The following PNPLA6 variants were observed in gnomAD, a reference collection of about 807,000 sequenced individuals.
PNPLA6 encodes the protein patatin-like phospholipase domain-containing protein 6.
PNPLA6 carries 105 observed loss-of-function variants against 153.7 expected under a neutral mutation model. That is an observed-to-expected ratio of 0.68 (90% CI 0.58 to 0.80). The LOEUF (loss-of-function observed/expected upper bound fraction) is 0.80, where lower values mean the gene tolerates loss of function less well. PNPLA6 is among the 30% of genes least tolerant of loss of function. The pLI is 0.00. For missense variants in PNPLA6, 1,423 were observed against 1,919.3 expected, an observed-to-expected ratio of 0.74 and a Z score of 4.83; for synonymous variants, 825 against 822.2, an observed-to-expected ratio of 1.00 and a Z score of -0.06.
chr19:7,539,361 C>T (rs1884028166), intron 3 of PNPLA6, among the ~76,000 whole-genome samples: 1 of 151,880 alleles, frequency 6.6e-6, no homozygotes, highest in African/African-American at 2.4e-5. Flanking sequence ...CACCTGTAGT[C>T]CCAGCTACTT....
chr19:7,560,727 G>A lies in PNPLA6; in HGVS notation c.3779G>A (p.Arg1260Gln), dbSNP rs758242525. Residue 1260 changes from arginine (R) to glutamine (Q), a missense_variant, in exon 29 of 32, where the codon CGG (arginine) becomes CAG (glutamine). By Grantham distance (43) the Arg-to-Gln change is conservative. Coordinates refer to ENST00000600737, the MANE Select transcript of PNPLA6 (RefSeq NM_001166114.2). The stretch of plus-strand genomic sequence containing the variant: ...GTCATTGAGAAAATGCTCACAGACC[G>A]GCGGTCTACAGACCTTAATGAGAGC... ...GNVIEKMLTD[R>Q]RSTDLNESRR... 1.7e-5 allele frequency: 27 copies of A among 1,613,490 alleles called. No individual in the cohort carries two copies. The highest frequency in any genetic ancestry group is 1.6e-4 in the Middle Eastern group (1 of 6,084).
intron 13 of PNPLA6, among the ~76,000 whole-genome samples, chr19:7,548,751 A>G (rs2023499178): frequency 7.1e-6 from 1 of 140,938 alleles, no homozygotes; most frequent in Admixed American, 7.2e-5. Flanking sequence ...ATATATATAT[A>G]GAGAGAGAGA....
Position 7,535,981 on chromosome 19 carries a change from G to A in PNPLA6, c.193G>A (p.Val65Met), listed in dbSNP as rs1250896472. 2 of 1,581,198 alleles carry A rather than the reference G, an allele frequency of 1.3e-6. No homozygotes were observed. Among genetic ancestry groups the A allele is most frequent in the Non-Finnish European group, 8.6e-7 (1 of 1,165,610 alleles). Residue 65 changes from valine (V) to methionine (M), a missense_variant, in exon 1 of 32, where the codon GTG becomes ATG. By Grantham distance (21) the Val-to-Met change is conservative (BLOSUM62 1). Transcript: ENST00000600737. This position sits in a 1 kb window ranked among gnomAD's most constrained non-coding sequence, Gnocchi z 5.0. ...GAGVAVVVTA[V>M]LILLVVRRLR... ...CGGAGTGGCGGTGGTGGTCACGGCCGTGCTCATCCTCCTGGTGGTGCGGAG... is the reference window on the plus strand; with the variant it reads ...CGGAGTGGCGGTGGTGGTCACGGCCATGCTCATCCTCCTGGTGGTGCGGAG...
chr19:7,544,855 G>T (rs1049827168), intron 13 of PNPLA6, among the ~76,000 whole-genome samples: 6 of 152,238 alleles, frequency 3.9e-5, no homozygotes, highest in African/African-American at 9.6e-5. Context: ...AGGAAGTAAG[G>T]TTACCCTGTG....
intron 13 of PNPLA6, among the ~76,000 whole-genome samples, chr19:7,549,171 C>T (rs2023527551): frequency 6.8e-6 from 1 of 148,084 alleles, no homozygotes; most frequent in South Asian, 2.1e-4. Context: ...TTTATTCTCT[C>T]CTTCATGTTT....
Position 7,540,793 on chromosome 19 carries a change from C to T in PNPLA6, c.795+83C>T. 2 of 1,547,496 alleles carry T rather than the reference C, an allele frequency of 1.3e-6. No individual in the cohort carries two copies. The highest frequency in any genetic ancestry group is 1.8e-6 in the Non-Finnish European group (2 of 1,119,504). On this transcript the variant is annotated intron_variant, in intron 6 of 31. Coordinates refer to ENST00000600737, the MANE Select transcript of PNPLA6 (RefSeq NM_001166114.2). This position sits in a 1 kb window ranked among gnomAD's most constrained non-coding sequence, Gnocchi z 6.8. ...TAGGTTGAAGGAAATCACAGGGTCC[C>T]CAATCTCTGGTTCATCCGTTATGCT...
Position 7,540,772 on chromosome 19 carries a change from T to C in PNPLA6, c.795+62T>C. Reference sequence around the variant, plus strand: ...GCAAGGTCCCACCCAAGGGACTAGGTTGAAGGAAATCACAGGGTCCCCAAT... The same window carrying C: ...GCAAGGTCCCACCCAAGGGACTAGGCTGAAGGAAATCACAGGGTCCCCAAT... On this transcript the variant is annotated intron_variant, in intron 6 of 31. Transcript: ENST00000600737. This position sits in a 1 kb window ranked among gnomAD's most constrained non-coding sequence, Gnocchi z 6.8. 3 of 1,545,388 alleles carry C rather than the reference T, an allele frequency of 1.9e-6. No individual in the cohort carries two copies. In the South Asian group the frequency reaches 3.3e-5, roughly 17 times the overall value.
Position 7,536,462 on chromosome 19 carries a change from C to T in PNPLA6, c.329C>T (p.Thr110Ile). 1 of 1,613,102 alleles carries T rather than the reference C, an allele frequency of 6.2e-7. No individual in the cohort carries two copies. Among genetic ancestry groups the T allele is most frequent in the Non-Finnish European group, 8.5e-7 (1 of 1,179,036 alleles). The stretch of plus-strand genomic sequence containing the variant: ...TCATTCTCCCAGGTGTCACAATCCA[C>T]CTCCTCCCTCGTGGATACCTCTGTC... Reference protein sequence around the residue: ...RKIMRKVSQSTSSLVDTSVSA... With the variant: ...RKIMRKVSQSISSLVDTSVSA... Residue 110 changes from threonine (T) to isoleucine (I), a missense_variant, in exon 3 of 32, where the codon ACC becomes ATC. Transcript: ENST00000600737.
Position 7,555,377 on chromosome 19 carries a change from G to T in PNPLA6, c.2936+10G>T, listed in dbSNP as rs968640767. On this transcript the variant is annotated intron_variant, in intron 23 of 31. Coordinates refer to ENST00000600737, the MANE Select transcript of PNPLA6 (RefSeq NM_001166114.2). The surrounding 1 kb of genome is among the most constrained non-coding windows in gnomAD (Gnocchi z 6.3). ...GCGGGGGCGGGGCCAGGTGAGGGCG[G>T]GGCTTGCTCTCTGGGGGCGGGGCCT... 6.6e-6 allele frequency: 10 copies of T among 1,512,978 alleles called. No homozygotes were observed. In the African/African-American group the frequency reaches 1.2e-4, roughly 19 times the overall value. The allele number at this position is 1,512,978 out of a possible 1,614,324, so 93.7% of individuals were successfully genotyped here. A position where few individuals can be genotyped will look rare whatever the true frequency, so the allele number is the denominator to read the frequency against.
intron 27 of PNPLA6, among the ~76,000 whole-genome samples, chr19:7,557,746 T>A (rs2023944258): frequency 7.0e-6 from 1 of 143,660 alleles, no homozygotes; most frequent in African/African-American, 2.6e-5. Flanking sequence ...ATCATGCTAC[T>A]GCACTCCAGC....
chr19:7,561,245 C>G lies in PNPLA6; in HGVS notation c.3951C>G (p.Asp1317Glu), dbSNP rs369490282. ...ESDCLTEYEE[D>E]AGPDCSRDEG... ...ATTGTCTGACAGAGTATGAGGAGGA[C>G]GCCGGACCCGACTGCTCGAGGGATG... Residue 1317 changes from aspartate to glutamate, a missense_variant, in exon 31 of 32, where the codon GAC becomes GAG. Physicochemically the swap from Asp to Glu is conservative, Grantham distance 45. Coordinates refer to ENST00000600737, the MANE Select transcript of PNPLA6 (RefSeq NM_001166114.2). The G allele has an allele frequency of 6.2e-6, 10 of 1,610,516 alleles. No homozygotes were observed. The highest frequency in any genetic ancestry group is 8.5e-6 in the Non-Finnish European group (10 of 1,179,030).
Position 7,561,510 on chromosome 19 carries a change from G to T in PNPLA6, c.4046G>T (p.Arg1349Leu). The change falls in exon 32 of 32, where the codon CGG becomes CTG. Residue 1349 changes from arginine (R) to leucine (L), a missense_variant. Arg to Leu is a moderately radical substitution (Grantham distance 102, BLOSUM62 -2). Coordinates refer to ENST00000600737, the MANE Select transcript of PNPLA6 (RefSeq NM_001166114.2). ...SEMEEEKSIL[R>L]QRRCLPQEPP... ...CAGGAGGAGGAGAAGTCGATTCTCC[G>T]GCAACGACGCTGTCTGCCCCAGGAG... 6.2e-7 allele frequency: 1 copy of T among 1,608,902 alleles called. No homozygotes were observed.
chr19:7,535,491 G>T, upstream of PNPLA6: 1 of 1,549,946 alleles, frequency 6.5e-7, no homozygotes, highest in South Asian at 1.2e-5. This position sits in a 1 kb window ranked among gnomAD's most constrained non-coding sequence, Gnocchi z 5.0. Flanking sequence ...GGGTTCCTTC[G>T]ACTCCTTGAT....
Position 7,554,712 on chromosome 19 carries a change from A to C in PNPLA6, c.2623A>C (p.Thr875Pro), listed in dbSNP as rs1333226218. Reference protein sequence around the residue: ...LIVGLGDQEPTLGQLEQMLEN... With the variant: ...LIVGLGDQEPPLGQLEQMLEN... ...TGTGGGCCTGGGGGACCAGGAGCCT[A>C]CCCTCGGCCAGGTCGGAAGCCCGTG... Residue 875 changes from threonine to proline, a missense_variant, in exon 21 of 32, where the codon ACC becomes CCC. Coordinates refer to ENST00000600737, the MANE Select transcript of PNPLA6 (RefSeq NM_001166114.2). 1 of 1,612,746 alleles carries C rather than the reference A, an allele frequency of 6.2e-7. No individual in the cohort carries two copies. Among genetic ancestry groups the C allele is most frequent in the East Asian group, 2.2e-5 (1 of 44,840 alleles).
At position 7,535,754 on chromosome 19, in the gene PNPLA6, C is replaced by T. The variant is rs993829210; in HGVS notation, c.-35C>T. On this transcript the variant is annotated 5_prime_UTR_variant, in exon 1 of 32. Transcript: ENST00000600737. The surrounding 1 kb of genome is among the most constrained non-coding windows in gnomAD (Gnocchi z 5.0). ...GCCGGGCCTCAGGGAAGAGTCGCGC[C>T]CCCGGGGAGGGAGCAGCACTGGCCC... 28 of 1,519,806 alleles carry T rather than the reference C, an allele frequency of 1.8e-5. No individual in the cohort carries two copies. The highest frequency in any genetic ancestry group is 1.2e-4 in the African/African-American group (9 of 72,722). 94.1% of individuals were successfully genotyped at this position (1,519,806 alleles called of 1,614,324 possible).
Position 7,555,655 on chromosome 19 carries a change from C to T in PNPLA6, c.2985C>T (p.Val995=), listed in dbSNP as rs572115607. The change falls in exon 24 of 32, where the codon GTC becomes GTT. Residue 995 remains valine, a synonymous_variant. Coordinates refer to ENST00000600737, the MANE Select transcript of PNPLA6 (RefSeq NM_001166114.2). The surrounding 1 kb of genome is among the most constrained non-coding windows in gnomAD (Gnocchi z 6.3). The part of the protein sequence containing the change: ...GVLKALEEAG[V]PVDLVGGTSI... ...TAAAGGCATTAGAGGAGGCGGGGGT[C>T]CCCGTGGACCTGGTGGGCGGCACGT... 3.7e-6 allele frequency: 6 copies of T among 1,612,990 alleles called. No homozygotes were observed. The African/African-American group carries it at 6.7e-5, about 18-fold the overall frequency.
Position 7,555,007 on chromosome 19 carries a change from T to C in PNPLA6, c.2749T>C (p.Trp917Arg). ...CGTGGAGTGGCTAAATATGCGCAGC[T>C]GGTGCTCGGGGCACCTGCACCTGCG... The part of the protein sequence containing the change: ...RTVEWLNMRS[W>R]CSGHLHLRCP... The change falls in exon 22 of 32, where the codon TGG (tryptophan) becomes CGG (arginine). Residue 917 changes from tryptophan (W) to arginine (R), a missense_variant. By Grantham distance (101) the Trp-to-Arg change is moderately radical. This residue lies in a region of PNPLA6 where 643 missense variants were observed against 835.2 expected (regional missense o/e 0.77). Coordinates refer to ENST00000600737, the MANE Select transcript of PNPLA6 (RefSeq NM_001166114.2). The surrounding 1 kb of genome is among the most constrained non-coding windows in gnomAD (Gnocchi z 6.3). 6.3e-7 allele frequency: 1 copy of C among 1,593,580 alleles called. No homozygotes were observed. The highest frequency in any genetic ancestry group is 1.3e-5 in the African/African-American group (1 of 74,842).
At position 7,553,887 on chromosome 19, in the gene PNPLA6, G is replaced by T. The variant is rs553676223; in HGVS notation, c.2273G>T (p.Gly758Val). ...GGGTTCTTAGCAGGCTCTGGGTTGG[G>T]TGTGCCCCCACACTCGGAACTCACC... is the stretch of plus-strand genomic sequence containing the variant. ...LQGPFPGSGL[G>V]VPPHSELTNP... Residue 758 changes from glycine (G) to valine (V), a missense_variant, in exon 19 of 32, where the codon GGT becomes GTT. This residue lies in a region of PNPLA6 where 23 missense variants were observed against 21.2 expected (regional missense o/e 1.08). Transcript: ENST00000600737. 14 of 1,614,246 alleles carry T rather than the reference G, an allele frequency of 8.7e-6. No individual in the cohort carries two copies. The South Asian group carries it at 1.4e-4, about 16-fold the overall frequency.
rs1599319090 is a variant in PNPLA6, at chr19:7,561,615, T to C, written c.*53T>C. 1.5e-6 allele frequency: 2 copies of C among 1,312,226 alleles called. No individual in the cohort carries two copies. Among genetic ancestry groups the C allele is most frequent in the South Asian group, 2.5e-5 (2 of 79,724 alleles). 81.3% of individuals were successfully genotyped at this position (1,312,226 alleles called of 1,614,324 possible). A position where few individuals can be genotyped will look rare whatever the true frequency, so the allele number is the denominator to read the frequency against. ...TCCCACCCCTGGACTGGGCTGGGGG[T>C]GGCCCCGTGGGGGTAGCTCACTCCC... is the stretch of plus-strand genomic sequence containing the variant. On this transcript the variant is annotated 3_prime_UTR_variant, in exon 32 of 32. Transcript: ENST00000600737.
Sources: gnomAD v4.1 joint callset for allele counts (sites outside exome capture counted in the v4.1 genomes callset) on GRCh38, gnomAD v4.1.1 for gene constraint, gnomAD v4.1.1 regional missense constraint, Gnocchi (gnomAD v3.1) non-coding constraint, MANE v1.5 for transcripts, NCBI Gene and HGNC (gene_info 2026-07-23, HGNC 2026-07-21) for gene names.